SLIT2: variants seen among roughly 807,000 people sequenced by gnomAD.
SLIT2 encodes the protein slit guidance ligand 2.
In SLIT2, 41 loss-of-function variants were observed where a neutral mutation model predicts 185.7. That is an observed-to-expected ratio of 0.22 (90% CI 0.17 to 0.29). The LOEUF is 0.29. SLIT2 is among the 10% of genes least tolerant of loss of function. The pLI is 1.00. For missense variants in SLIT2, 1,571 were observed against 1,909.0 expected (o/e 0.82, Z 3.30); for synonymous variants, 693 against 680.2 (o/e 1.02, Z -0.29).
chr4:20,505,728 A>G (rs551636751), intron 9 of SLIT2, among the ~76,000 whole-genome samples: 1 of 152,190 alleles, frequency 6.6e-6, no homozygotes, highest in East Asian at 1.9e-4. Flanking sequence ...GCACATAATT[A>G]ACATATTCTA....
intron 29 of SLIT2, among the ~76,000 whole-genome samples, chr4:20,580,410 CGTGTGTGTGT>C (rs58904041): frequency 1.3e-5 from 2 of 148,658 alleles, no homozygotes; most frequent in Admixed American, 6.8e-5. Flanking sequence ...ATATATTATA[CGTGTGTGTGT>C]GTGTGTGTGT....
At chr4:20,257,134 ATTC>A (rs1191445124) in intron 2 of SLIT2, among the ~76,000 whole-genome samples, 5 of 152,150 alleles carry the variant, frequency 3.3e-5, no homozygotes, top group Non-Finnish European at 7.4e-5. Context: ...TAACAAAAGG[ATTC>A]TTATTTTTTT....
At chr4:20,616,758 A>C in intron 34 of SLIT2, 152 bp from the exon 35 acceptor site, 1 of 719,524 alleles carries the variant, frequency 1.4e-6, no homozygotes, top group Non-Finnish European at 2.3e-6. Flanking sequence ...ACACATCTCT[A>C]CATCTCTTCT....
chr4:20,381,480 T>TC (rs1418400279), intron 4 of SLIT2, among the ~76,000 whole-genome samples: 2 of 152,202 alleles, frequency 1.3e-5, no homozygotes, highest in African/African-American at 4.8e-5. Context: ...ATTTTCGTTT[T>TC]CATGTTCAGT....
chr4:20,616,978 G>A lies in SLIT2; in HGVS notation c.3916G>A (p.Gly1306Ser). The A allele has an allele frequency of 1.2e-6, 2 of 1,613,982 alleles. No homozygotes were observed. The highest frequency in any genetic ancestry group is 8.5e-7 in the Non-Finnish European group (1 of 1,179,942). Residue 1306 changes from glycine to serine, a missense_variant, in exon 35 of 37, where the codon GGC becomes AGC. By Grantham distance (56) the Gly-to-Ser change is moderately conservative. This residue lies in a region of SLIT2 where 146 missense variants were observed against 247.4 expected (regional missense o/e 0.59). Coordinates refer to ENST00000504154, the MANE Select transcript of SLIT2 (RefSeq NM_004787.4). ...TGGGCAGAACGGAACCAGCTTCCAC[G>A]GCTGCATCCGGAACCTTTACATCAA... ...APGQNGTSFH[G>S]CIRNLYINSE...
chr4:20,600,693 T>C (rs1368448971), intron 33 of SLIT2, among the ~76,000 whole-genome samples: 1 of 152,006 alleles, frequency 6.6e-6, no homozygotes, highest in Non-Finnish European at 1.5e-5. Context: ...TATTAGAAGC[T>C]GCAAGCCCAT....
Position 20,525,190 on chromosome 4 carries a change from G to T in SLIT2, c.1462+18G>T. ...CATTCCAGGTAGGTTTTGCTCGGTAGTAGGACTAACTACAGACACCCTTTC... is the reference window on the plus strand; with the variant it reads ...CATTCCAGGTAGGTTTTGCTCGGTATTAGGACTAACTACAGACACCCTTTC... On this transcript the variant is annotated intron_variant, in intron 15 of 36. Coordinates refer to ENST00000504154, the MANE Select transcript of SLIT2 (RefSeq NM_004787.4). 6.3e-7 allele frequency: 1 copy of T among 1,587,300 alleles called. No individual in the cohort carries two copies. The highest frequency in any genetic ancestry group is 2.2e-5 in the East Asian group (1 of 44,676).
At chr4:20,516,248 G>T (rs572078404) in intron 11 of SLIT2, among the ~76,000 whole-genome samples, 1 of 152,212 alleles carries the variant, frequency 6.6e-6, no homozygotes, top group Non-Finnish European at 1.5e-5. Context: ...ATAGCAGCAG[G>T]TACAAGAGCT....
chr4:20,279,418 T>G (rs540304313), intron 4 of SLIT2, among the ~76,000 whole-genome samples: 1 of 152,328 alleles, frequency 6.6e-6, no homozygotes, highest in South Asian at 2.1e-4. Flanking sequence ...TCTTTCCTCC[T>G]TCCTCCTCAT....
intron 26 of SLIT2, among the ~76,000 whole-genome samples, chr4:20,554,763 G>GTT (rs144729112): frequency 6.8e-6 from 1 of 146,238 alleles, no homozygotes; most frequent in Non-Finnish European, 1.5e-5. Context: ...CTTTTGTTTT[G>GTT]TTTTTTTTTT....
At chr4:20,360,303 G>A (rs1016033026) in intron 4 of SLIT2, among the ~76,000 whole-genome samples, 2 of 152,098 alleles carry the variant, frequency 1.3e-5, no homozygotes, top group Non-Finnish European at 2.9e-5. Context: ...GGGAGTTTTA[G>A]AAGTCTCTGA....
chr4:20,481,440 A>G (rs1716690535), intron 6 of SLIT2, among the ~76,000 whole-genome samples: 1 of 152,148 alleles, frequency 6.6e-6, no homozygotes, highest in Admixed American at 6.6e-5. Flanking sequence ...TACAAATTTT[A>G]ATGAAAACTG....
chr4:20,280,059 C>T (rs1404773114), intron 4 of SLIT2, among the ~76,000 whole-genome samples: 1 of 152,098 alleles, frequency 6.6e-6, no homozygotes, highest in South Asian at 2.1e-4. Context: ...TACAGCTGGG[C>T]ATGGTGGCTC....
intron 4 of SLIT2, among the ~76,000 whole-genome samples, chr4:20,408,860 C>A (rs893248531): frequency 1.3e-5 from 2 of 152,244 alleles, no homozygotes; most frequent in African/African-American, 4.8e-5. Flanking sequence ...TTTTCTTATA[C>A]AGACACTTTG....
intron 4 of SLIT2, among the ~76,000 whole-genome samples, chr4:20,353,908 G>A (rs1250555663): frequency 6.6e-6 from 1 of 152,104 alleles, no homozygotes; most frequent in Non-Finnish European, 1.5e-5. Flanking sequence ...TAAGTTTTTG[G>A]TAACACTGCT....
intron 21 of SLIT2, among the ~76,000 whole-genome samples, chr4:20,544,645 G>A (rs1723096875): frequency 6.6e-6 from 1 of 152,042 alleles, no homozygotes; most frequent in Admixed American, 6.6e-5. Context: ...GCATGTATTA[G>A]AAGAATTTCA....
At chr4:20,542,842 GT>G in intron 21 of SLIT2, among the ~76,000 whole-genome samples, 1 of 97,280 alleles carries the variant, frequency 1.0e-5, no homozygotes, top group East Asian at 3.3e-4. Flanking sequence ...GTGTGTGTGT[GT>G]GTGTGTGTGT....
chr4:20,345,841 C>T (rs902925872), intron 4 of SLIT2, among the ~76,000 whole-genome samples: 4 of 151,890 alleles, frequency 2.6e-5, no homozygotes, highest in Non-Finnish European at 4.4e-5. Context: ...GCCTGAAATA[C>T]TTATTTCTAT....
intron 29 of SLIT2, among the ~76,000 whole-genome samples, chr4:20,578,820 CAAATT>C (rs1726282297): frequency 6.6e-6 from 1 of 152,104 alleles, no homozygotes; most frequent in South Asian, 2.1e-4. Context: ...TAGTGTAAAA[CAAATT>C]AATATTTTTA....
Sources: gnomAD v4.1 joint callset for allele counts (sites outside exome capture counted in the v4.1 genomes callset) on GRCh38, gnomAD v4.1.1 for gene constraint, gnomAD v4.1.1 regional missense constraint, MANE v1.5 for transcripts, NCBI Gene and HGNC (gene_info 2026-07-23, HGNC 2026-07-21) for gene names.